The following TRPC7 variants were observed in gnomAD, a reference collection of about 807,000 sequenced individuals.
The protein encoded by TRPC7 is short transient receptor potential channel 7.
A neutral mutation model predicts 90.1 loss-of-function variants in TRPC7; 42 were observed. The observed-to-expected ratio is 0.47, with a 90% CI of 0.36 to 0.60. TRPC7 has a LOEUF of 0.60. Among genes scored for constraint, TRPC7 ranks in the 20% least tolerant of loss-of-function variants. TRPC7 has a pLI of 0.00. For synonymous variants in TRPC7, 451 were observed against 436.3 expected (o/e 1.03, Z -0.42); for missense variants, 955 against 1,112.3 (o/e 0.86, Z 2.01).
At chr5:136,334,411 G>A (rs936379457) in intron 2 of TRPC7, among the ~76,000 whole-genome samples, 4 of 152,212 alleles carry the variant, frequency 2.6e-5, no homozygotes, top group African/African-American at 9.6e-5. Flanking sequence ...TACAAATCAA[G>A]TTAGGCAAAT....
intron 2 of TRPC7, among the ~76,000 whole-genome samples, chr5:136,333,044 T>C (rs758851012): frequency 6.6e-6 from 1 of 152,210 alleles, no homozygotes; most frequent in Non-Finnish European, 1.5e-5. Context: ...TAGAGCAGCC[T>C]CCTCCACTAA....
intron 2 of TRPC7, among the ~76,000 whole-genome samples, chr5:136,325,400 A>G (rs1311444727): frequency 1.3e-5 from 2 of 152,130 alleles, no homozygotes; most frequent in Non-Finnish European, 1.5e-5. Flanking sequence ...GGTCAAGAGA[A>G]GCTTGTTTTT....
chr5:136,285,869 G>A (rs1410155786), intron 3 of TRPC7, among the ~76,000 whole-genome samples: 2 of 152,154 alleles, frequency 1.3e-5, no homozygotes, highest in Non-Finnish European at 2.9e-5. Flanking sequence ...AATGCACCAA[G>A]GCCTTCCTTG....
intron 8 of TRPC7, among the ~76,000 whole-genome samples, chr5:136,228,065 G>A (rs940093797): frequency 3.9e-5 from 6 of 152,176 alleles, no homozygotes; most frequent in Non-Finnish European, 7.3e-5. Flanking sequence ...CAGTCTGGCC[G>A]ATGATGTGAA....
intron 10 of TRPC7, chr5:136,222,289 A>G (rs942380462): frequency 2.6e-5 from 4 of 152,216 alleles, no homozygotes; most frequent in Admixed American, 6.5e-5. Context: ...AAATCGAATG[A>G]AGAGACAAAA....
At chr5:136,273,800 T>G (rs186537473) in intron 4 of TRPC7, among the ~76,000 whole-genome samples, 2 of 152,242 alleles carry the variant, frequency 1.3e-5, no homozygotes, top group African/African-American at 2.4e-5. Flanking sequence ...TTGGAACCTT[T>G]AGTGACAATC....
At chr5:136,330,519 T>TG (rs1394243083) in intron 2 of TRPC7, among the ~76,000 whole-genome samples, 1 of 152,226 alleles carries the variant, frequency 6.6e-6, no homozygotes, top group Non-Finnish European at 1.5e-5. Context: ...TGACTGCCCT[T>TG]GTAGTGCTCT....
chr5:136,315,426 G>A (rs1175405382), intron 3 of TRPC7, among the ~76,000 whole-genome samples, 171 bp downstream of exon 3: 4 of 152,106 alleles, frequency 2.6e-5, no homozygotes, highest in Non-Finnish European at 4.4e-5. Context: ...GGATGGTGGA[G>A]GGGATCCTAG....
chr5:136,339,908 A>G (rs966028644), intron 2 of TRPC7, among the ~76,000 whole-genome samples: 11 of 152,282 alleles, frequency 7.2e-5, no homozygotes, highest in Non-Finnish European at 1.3e-4. Flanking sequence ...AACAGAATAA[A>G]TTTCAGAGGA....
chr5:136,232,289 A>G (rs1044413213), intron 7 of TRPC7, among the ~76,000 whole-genome samples: 1 of 152,180 alleles, frequency 6.6e-6, no homozygotes, highest in Non-Finnish European at 1.5e-5. Context: ...AGACACCTGG[A>G]AAGTGGGCAG....
At chr5:136,253,163 AG>A (rs1756580000) in intron 5 of TRPC7, among the ~76,000 whole-genome samples, 1 of 151,962 alleles carries the variant, frequency 6.6e-6, no homozygotes, top group Non-Finnish European at 1.5e-5. Context: ...TGATAGGTTA[AG>A]TATGTTGTTA....
chr5:136,293,141 T>A, intron 3 of TRPC7, among the ~76,000 whole-genome samples: 1 of 152,134 alleles, frequency 6.6e-6, no homozygotes, highest in Non-Finnish European at 1.5e-5. Context: ...ATGGGACATA[T>A]CTCAAAATCA....
chr5:136,337,471 T>C (rs554374377), intron 2 of TRPC7, among the ~76,000 whole-genome samples: 1 of 152,186 alleles, frequency 6.6e-6, no homozygotes, highest in Admixed American at 6.5e-5. Flanking sequence ...ATAGAGACCA[T>C]ACTGGCTAAC....
chr5:136,315,815 T>C, intron 2 of TRPC7, 36 bp from the exon 3 acceptor site: 2 of 1,596,038 alleles, frequency 1.3e-6, no homozygotes, highest in African/African-American at 2.7e-5. Flanking sequence ...GTATGTCACA[T>C]GGAGGCCCGC....
rs1176153805 is a variant in TRPC7 at position 136,226,225 on chromosome 5, G to T, written c.2071C>A (p.Arg691=). Residue 691 remains arginine, a synonymous_variant, in exon 9 of 12, where the codon CGA becomes AGA. Coordinates refer to ENST00000513104, the MANE Select transcript of TRPC7 (RefSeq NM_020389.3). The part of the protein sequence containing the change: ...EDADVEWKFA[R]AKLWLSYFDE... Reference sequence around the variant, plus strand: ...AAGTAAGACAGCCAGAGTTTTGCTCGGGCGAACTTCCATTCCACATCTGCA... The same window carrying T: ...AAGTAAGACAGCCAGAGTTTTGCTCTGGCGAACTTCCATTCCACATCTGCA... 12 of 1,551,624 alleles carry T rather than the reference G, an allele frequency of 7.7e-6. No homozygotes were observed. The highest frequency in any genetic ancestry group is 2.7e-5 in the African/African-American group (2 of 73,026).
intron 2 of TRPC7, among the ~76,000 whole-genome samples, chr5:136,327,193 C>T (rs1379815812): frequency 6.6e-6 from 1 of 151,972 alleles, no homozygotes; most frequent in Non-Finnish European, 1.5e-5. Context: ...ACAGCAAGAA[C>T]CAAAATTGTG....
rs944448960 is a variant in TRPC7 at position 136,292,302 on chromosome 5, C to T, written c.964-17465G>A. On this transcript the variant is annotated intron_variant, in intron 3 of 11. Coordinates refer to ENST00000513104, the MANE Select transcript of TRPC7 (RefSeq NM_020389.3). ...AGAAATAACTAAGATCAGAGCAGAA[C>T]TGAAGGAAATAGAGACACAAAAAAC... 3.9e-4 allele frequency among the ~76,000 whole-genome samples: 59 copies of T among 152,044 alleles called. 1 individual carries two copies. Among genetic ancestry groups the T allele is most frequent in the Admixed American group, 4.6e-4 (7 of 15,262 alleles).
At position 136,216,373 on chromosome 5, in the gene TRPC7, A is replaced by G. The variant is rs538212055; in HGVS notation, c.2344-98T>C. 7.5e-5 allele frequency: 72 copies of G among 958,024 alleles called. No homozygotes were observed. In the East Asian group the frequency reaches 1.7e-3, roughly 23 times the overall value. The allele number at this position is 958,024 out of a possible 1,614,324, so 59.3% of individuals were successfully genotyped here. ...ACCCCTCCCTCCCTTGAAGAGCCTC[A>G]GCAACCATGGCGACCCTCCCATGCC... On this transcript the variant is annotated intron_variant, in intron 10 of 11. Coordinates refer to ENST00000513104, the MANE Select transcript of TRPC7 (RefSeq NM_020389.3).
chr5:136,344,049 C>T (rs540193625), intron 2 of TRPC7, among the ~76,000 whole-genome samples: 76 of 152,086 alleles, frequency 5.0e-4, no homozygotes, highest in Non-Finnish European at 7.9e-4. Context: ...CAATGCTAGA[C>T]TGGATAAAGA....
Sources: allele counts gnomAD v4.1 joint callset (sites outside exome capture counted in the v4.1 genomes callset), GRCh38; gene constraint gnomAD v4.1.1; transcripts MANE v1.5; gene names NCBI Gene and HGNC (gene_info 2026-07-23, HGNC 2026-07-21).